C1QTNF3: variants seen among roughly 807,000 people sequenced by gnomAD.
The protein encoded by C1QTNF3 is complement C1q tumor necrosis factor-related protein 3.
C1QTNF3 carries 26 observed loss-of-function variants against 32.6 expected under a neutral mutation model. The observed-to-expected ratio is 0.80, with a 90% confidence interval of 0.58 to 1.11. The LOEUF (loss-of-function observed/expected upper bound fraction) is 1.11. C1QTNF3 is among the 50% of genes least tolerant of loss of function. C1QTNF3 has a pLI of 0.00. For synonymous variants in C1QTNF3, 155 were observed against 146.0 expected (o/e 1.06, Z -0.44); for missense variants, 362 against 398.2 (o/e 0.91, Z 0.77).
chr5:34,064,365 G>T, the C1QTNF3 span, among the ~76,000 whole-genome samples: 1 of 152,174 alleles, frequency 6.6e-6, no homozygotes, highest in South Asian at 2.1e-4. Flanking sequence ...GGGGTGGGCT[G>T]CTCCCAAGAT....
chr5:34,058,154 AT>A, the C1QTNF3 span, among the ~76,000 whole-genome samples: 1 of 152,054 alleles, frequency 6.6e-6, no homozygotes, highest in African/African-American at 2.4e-5. Context: ...CTTCAATAAG[AT>A]TTATTTTTCC....
At chr5:34,035,808 T>A in intron 1 of C1QTNF3, 50 bp from the exon 2 acceptor site, 1 of 1,407,478 alleles carries the variant, frequency 7.1e-7, no homozygotes, top group Non-Finnish European at 9.9e-7. Context: ...TTGTGAGCAA[T>A]TAGGATTTTT....
At chr5:34,125,770 T>A in the C1QTNF3 span, among the ~76,000 whole-genome samples, 1 of 152,260 alleles carries the variant, frequency 6.6e-6, no homozygotes, top group East Asian at 1.9e-4. Context: ...ATGCATTTCA[T>A]ATTTCTTATA....
the C1QTNF3 span, among the ~76,000 whole-genome samples, chr5:34,105,598 C>T: frequency 6.6e-6 from 1 of 151,948 alleles, no homozygotes; most frequent in South Asian, 2.1e-4. Flanking sequence ...AATGAGATTA[C>T]TTTATGGGAG....
the C1QTNF3 span, among the ~76,000 whole-genome samples, chr5:34,217,906 C>A: frequency 2.6e-5 from 4 of 152,078 alleles, no homozygotes; most frequent in African/African-American, 7.2e-5. Flanking sequence ...ATAAACTCCT[C>A]TAACAGTGAC....
At chr5:34,031,929 T>C (rs1327375473) in intron 3 of C1QTNF3, among the ~76,000 whole-genome samples, 1 of 151,966 alleles carries the variant, frequency 6.6e-6, no homozygotes, top group Non-Finnish European at 1.5e-5. Context: ...CCCAGAAAAA[T>C]GATGGAACTT....
At chr5:34,113,674 A>G in the C1QTNF3 span, among the ~76,000 whole-genome samples, 9 of 152,152 alleles carry the variant, frequency 5.9e-5, no homozygotes, top group Non-Finnish European at 5.9e-5. Context: ...CTCTCTCTAT[A>G]TATATGTATA....
At chr5:34,054,557 G>A in the C1QTNF3 span, among the ~76,000 whole-genome samples, 1 of 152,110 alleles carries the variant, frequency 6.6e-6, no homozygotes, top group African/African-American at 2.4e-5. Context: ...AAAACAAATG[G>A]CAGCCCACAG....
At chr5:34,171,186 C>A in the C1QTNF3 span, among the ~76,000 whole-genome samples, 11,782 of 151,610 alleles carry the variant, frequency 0.078, 1,141 homozygotes, top group African/African-American at 0.22. Flanking sequence ...ATTCTGAATA[C>A]CACAGGGTAG....
chr5:34,208,687 CACA>C, the C1QTNF3 span, among the ~76,000 whole-genome samples: 1 of 152,064 alleles, frequency 6.6e-6, no homozygotes, highest in Non-Finnish European at 1.5e-5. Flanking sequence ...GTGTAACATA[CACA>C]ACATCCTAAG....
chr5:34,133,850 A>T, the C1QTNF3 span, among the ~76,000 whole-genome samples: 174 of 152,346 alleles, frequency 1.1e-3, 3 homozygotes, highest in African/African-American at 3.9e-3. Context: ...CAAAATCCAG[A>T]AACTTTTTAT....
At chr5:34,083,082 TC>T in the C1QTNF3 span, among the ~76,000 whole-genome samples, 1 of 151,528 alleles carries the variant, frequency 6.6e-6, no homozygotes, top group African/African-American at 2.4e-5. Context: ...CTGTATGGCT[TC>T]AGCATACATA....
the C1QTNF3 span, among the ~76,000 whole-genome samples, chr5:34,139,368 A>G: frequency 6.6e-6 from 1 of 152,100 alleles, no homozygotes; most frequent in Non-Finnish European, 1.5e-5. Context: ...TAAGTACATT[A>G]AAGTATACTT....
At chr5:34,160,123 G>A in the C1QTNF3 span, among the ~76,000 whole-genome samples, 4 of 152,068 alleles carry the variant, frequency 2.6e-5, no homozygotes, top group Admixed American at 6.6e-5. Flanking sequence ...CAGTACTGAG[G>A]GCATTACAAT....
the C1QTNF3 span, among the ~76,000 whole-genome samples, chr5:34,154,159 A>T: frequency 2.6e-5 from 4 of 152,238 alleles, no homozygotes; most frequent in East Asian, 7.7e-4. Context: ...ATTTATTGTG[A>T]AGTAGTAGTA....
At chr5:34,125,040 AGAAAG>A in the C1QTNF3 span, among the ~76,000 whole-genome samples, 9 of 151,528 alleles carry the variant, frequency 5.9e-5, no homozygotes, top group African/African-American at 2.2e-4. Context: ...GAGAGAGGAA[AGAAAG>A]GAAAGAGAAG....
intron 3 of C1QTNF3, among the ~76,000 whole-genome samples, chr5:34,031,138 G>A (rs532944716): frequency 1.3e-5 from 2 of 152,224 alleles, no homozygotes; most frequent in South Asian, 4.2e-4. Context: ...AACCACCATT[G>A]AAGAATGAGC....
upstream of C1QTNF3, among the ~76,000 whole-genome samples, chr5:34,046,262 C>T (rs1754984606): frequency 6.6e-6 from 1 of 152,174 alleles, no homozygotes; most frequent in African/African-American, 2.4e-5. Flanking sequence ...TCCTGAACCT[C>T]TTCTGGTTTA....
intron 4 of C1QTNF3, among the ~76,000 whole-genome samples, chr5:34,026,198 CCTGAGGGTGGACAGAGT>C (rs1224518693): frequency 4.6e-5 from 7 of 151,988 alleles, no homozygotes; most frequent in Non-Finnish European, 8.8e-5. Context: ...GCCAAATGCC[CCTGAGGGTGGACAGAGT>C]CATGTGGAGA....
Sources: gnomAD v4.1 joint callset for allele counts (sites outside exome capture counted in the v4.1 genomes callset) on GRCh38, gnomAD v4.1.1 for gene constraint, MANE v1.5 for transcripts, NCBI Gene and HGNC (gene_info 2026-07-23, HGNC 2026-07-21) for gene names.